Variants in CALHM1 observed in about 807,000 individuals in gnomAD.
CALHM1 encodes calcium homeostasis modulator 1, also known as calcium homeostasis modulator protein 1.
Under a neutral mutation model 14.8 loss-of-function variants are expected in CALHM1, and 11 were observed. The observed-to-expected ratio is 0.74, with a 90% CI of 0.47 to 1.23. CALHM1 has a LOEUF of 1.23. CALHM1 is among the 50% of genes most tolerant of loss of function. The probability of loss-of-function intolerance (pLI) is 0.00; values close to 1 mark genes in which losing one functional copy is unlikely to be tolerated. For synonymous variants in CALHM1, 215 were observed against 218.9 expected (o/e 0.98, Z 0.16); for missense variants, 458 against 496.4 (o/e 0.92, Z 0.74).
In CALHM1 at chr10:103,458,566, C is replaced by G. The variant is rs1011235938; in HGVS notation, c.186G>C (p.Leu62=). Residue 62 remains leucine, a synonymous_variant, in exon 1 of 2, where the codon CTG becomes CTC. Transcript: ENST00000329905. The surrounding 1 kb of genome is among the most constrained non-coding windows in gnomAD (Gnocchi z 4.9). ...YSAGILLAPP[L]VLFLLGLVMN... ...TGACCAGGCCAAGCAGAAAGAGCACCAGGGGTGGCGCCAGCAGGATGCCCG... is the reference window on the plus strand; with the variant it reads ...TGACCAGGCCAAGCAGAAAGAGCACGAGGGGTGGCGCCAGCAGGATGCCCG... 6.2e-7 allele frequency: 1 copy of G among 1,613,784 alleles called. No homozygotes were observed. Among genetic ancestry groups the G allele is most frequent in the African/African-American group, 1.3e-5 (1 of 74,952 alleles).
At position 103,455,759 on chromosome 10, in the gene CALHM1, TGA is replaced by T. The variant is rs1189840846; in HGVS notation, c.556-14_556-13del. 1.2e-6 allele frequency: 2 copies of T among 1,606,860 alleles called. No homozygotes were observed. The highest frequency in any genetic ancestry group is 1.7e-6 in the Non-Finnish European group (2 of 1,175,950). ...GACCAGCCCAGCGCCTGTGGGAAGA[TGA>T]GAGAGAGTCACGGGGCACTGTCCTT... On this transcript the variant is annotated splice_polypyrimidine_tract_variant and intron_variant, in intron 1 of 1. Coordinates refer to ENST00000329905, the MANE Select transcript of CALHM1 (RefSeq NM_001001412.4).
chr10:103,458,732 A>T lies in CALHM1; in HGVS notation c.20T>A (p.Met7Lys), dbSNP rs1414757302. 9 of 1,611,638 alleles carry T rather than the reference A, an allele frequency of 5.6e-6. No homozygotes were observed. The highest frequency in any genetic ancestry group is 1.7e-5 in the Admixed American group (1 of 59,958). The change falls in exon 1 of 2, where the codon ATG (methionine) becomes AAG (lysine). Residue 7 changes from methionine to lysine, a missense_variant. Physicochemically the swap from Met to Lys is moderately conservative, Grantham distance 95. Coordinates refer to ENST00000329905, the MANE Select transcript of CALHM1 (RefSeq NM_001001412.4). The surrounding 1 kb of genome is among the most constrained non-coding windows in gnomAD (Gnocchi z 4.9). MMDKFR[M>K]IFQFLQSNQE... ...GTTGGACTGCAGGAACTGGAAGATC[A>T]TCCGGAACTTGTCCATCATGCCCGC...
chr10:103,457,676 G>A lies in CALHM1; in HGVS notation c.555+521C>T, dbSNP rs535471741. Among the ~76,000 whole-genome samples the A allele has an allele frequency of 7.2e-5, 11 of 152,306 alleles. No individual in the cohort carries two copies. The South Asian group carries it at 1.9e-3, about 26-fold the overall frequency. On this transcript the variant is annotated intron_variant, in intron 1 of 1. Transcript: ENST00000329905. ...GGAGGACCCTCACTCTGGCTGACCCGTCAGTGGTCTCTCCAAACTGCCTTT... is the reference window on the plus strand; with the variant it reads ...GGAGGACCCTCACTCTGGCTGACCCATCAGTGGTCTCTCCAAACTGCCTTT...
In CALHM1 at chr10:103,458,541, T is replaced by A. The variant is rs1315312466; in HGVS notation, c.211A>T (p.Met71Leu). 1.2e-6 allele frequency: 2 copies of A among 1,613,732 alleles called. No individual in the cohort carries two copies. Among genetic ancestry groups the A allele is most frequent in the Admixed American group, 1.7e-5 (1 of 60,026 alleles). Residue 71 changes from methionine to leucine, a missense_variant, in exon 1 of 2, where the codon ATG (methionine) becomes TTG (leucine). Physicochemically the swap from Met to Leu is conservative, Grantham distance 15. Transcript: ENST00000329905. This position sits in a 1 kb window ranked among gnomAD's most constrained non-coding sequence, Gnocchi z 4.9. ...PLVLFLLGLV[M>L]NNNVSMLAEE... is the part of the protein sequence containing the mutation. ...GCCAGCATGGACACGTTGTTGTTCA[T>A]GACCAGGCCAAGCAGAAAGAGCACC...
rs2033103734 is a variant in CALHM1 at position 103,453,897 on chromosome 10, CTG to C, written c.*1363_*1364del. On this transcript the variant is annotated 3_prime_UTR_variant, in exon 2 of 2. Transcript: ENST00000329905. ...TCCCAAATAATTAAGAGGAGGGAAA[CTG>C]GACCCCAGAAGTGGGAATAGAGGGA... 1 of 152,204 alleles carries C rather than the reference CTG, an allele frequency of 6.6e-6. No individual in the cohort carries two copies. The highest frequency in any genetic ancestry group is 1.9e-4 in the East Asian group (1 of 5,192). The allele number at this position is 152,204 out of a possible 1,614,324, so 9.4% of individuals were successfully genotyped here.
In CALHM1 at chr10:103,458,236, G is replaced by C. The variant is rs1005044105; in HGVS notation, c.516C>G (p.Ala172=). ...PEIYDGDWLL[A]REVAVRYLRC... ...GGAGGTAACGCACGGCCACCTCTCG[G>C]GCCAACAGCCAGTCGCCATCGTAGA... Residue 172 remains alanine (A), a synonymous_variant, in exon 1 of 2, where the codon GCC becomes GCG. Coordinates refer to ENST00000329905, the MANE Select transcript of CALHM1 (RefSeq NM_001001412.4). This position sits in a 1 kb window ranked among gnomAD's most constrained non-coding sequence, Gnocchi z 4.9. The C allele has an allele frequency of 6.2e-7, 1 of 1,613,042 alleles. No individual in the cohort carries two copies. Among genetic ancestry groups the C allele is most frequent in the Non-Finnish European group, 8.5e-7 (1 of 1,179,838 alleles).
At position 103,458,752 on chromosome 10, in the gene CALHM1, G is replaced by A; in HGVS notation, c.-1C>T. 1 of 1,601,768 alleles carries A rather than the reference G, an allele frequency of 6.2e-7. No individual in the cohort carries two copies. ...AGATCATCCGGAACTTGTCCATCATGCCCGCTGTGGGGCCCGGCCTCCTCT... is the reference window on the plus strand; with the variant it reads ...AGATCATCCGGAACTTGTCCATCATACCCGCTGTGGGGCCCGGCCTCCTCT... On this transcript the variant is annotated 5_prime_UTR_variant, in exon 1 of 2. Transcript: ENST00000329905. This position sits in a 1 kb window ranked among gnomAD's most constrained non-coding sequence, Gnocchi z 4.9.
Position 103,456,704 on chromosome 10 carries a change from C to T in CALHM1, c.556-957G>A, listed in dbSNP as rs567107075. ...CACCCCAGCCTGTTCCAGGAGTACA[C>T]GCGGGCCTGGTGGGGCTGGATTTTC... On this transcript the variant is annotated intron_variant, in intron 1 of 1. Transcript: ENST00000329905. 6.1e-4 allele frequency among the ~76,000 whole-genome samples: 93 copies of T among 152,340 alleles called. 2 individuals carry two copies. The highest frequency in any genetic ancestry group is 3.9e-3 in the Admixed American group (59 of 15,306).
In CALHM1 at chr10:103,453,632, A is replaced by C. The variant is rs1285346187; in HGVS notation, c.*1630T>G. ...TAGAGTGGCTGGGTGACTGGCCACAAGTCCTGCAGTGCTGGTATTTGAACT... is the reference window on the plus strand; with the variant it reads ...TAGAGTGGCTGGGTGACTGGCCACACGTCCTGCAGTGCTGGTATTTGAACT... On this transcript the variant is annotated 3_prime_UTR_variant, in exon 2 of 2. Transcript: ENST00000329905. The C allele has an allele frequency of 1.3e-5, 2 of 152,200 alleles. No homozygotes were observed. Among genetic ancestry groups the C allele is most frequent in the Non-Finnish European group, 2.9e-5 (2 of 68,040 alleles). The allele number at this position is 152,200 out of a possible 1,614,324, so 9.4% of individuals were successfully genotyped here.
intron 1 of CALHM1, among the ~76,000 whole-genome samples, chr10:103,457,253 A>G (rs2033161103): frequency 6.6e-6 from 1 of 152,224 alleles, no homozygotes; most frequent in African/African-American, 2.4e-5. Context: ...GTGGAATGAC[A>G]GCTGCCAAGG....
rs751527831 is a variant in CALHM1 at position 103,458,644 on chromosome 10, C to T, written c.108G>A (p.Ser36=). 268 of 1,613,990 alleles carry T rather than the reference C, an allele frequency of 1.7e-4. No homozygotes were observed. Among genetic ancestry groups the T allele is most frequent in the Middle Eastern group, 1.6e-3 (10 of 6,062 alleles). ...GGCAGGGGCAGTTGAAGTCGAAGGC[C>T]GAGTACATCTGGGCACTGGCCAGGG... The part of the protein sequence containing the change: ...IMALASAQMY[S]AFDFNCPCLP... The change falls in exon 1 of 2, where the codon TCG becomes TCA. Residue 36 remains serine (S), a synonymous_variant. Transcript: ENST00000329905. This position sits in a 1 kb window ranked among gnomAD's most constrained non-coding sequence, Gnocchi z 4.9.
rs1481173443 is a variant in CALHM1, at chr10:103,458,305, G to T, written c.447C>A (p.Ala149=). 1 of 1,611,594 alleles carries T rather than the reference G, an allele frequency of 6.2e-7. No homozygotes were observed. The highest frequency in any genetic ancestry group is 1.1e-5 in the South Asian group (1 of 91,010). Residue 149 remains alanine (A), a synonymous_variant, in exon 1 of 2, where the codon GCC becomes GCA. Transcript: ENST00000329905. This position sits in a 1 kb window ranked among gnomAD's most constrained non-coding sequence, Gnocchi z 4.9. ...GNGSLAPGLP[A]PELARLLARV... is the part of the protein sequence containing the mutation. ...GGGCCAGCAGGCGGGCGAGCTCGGGGGCAGGAAGGCCGGGTGCCAGGCTGC... is the reference window on the plus strand; with the variant it reads ...GGGCCAGCAGGCGGGCGAGCTCGGGTGCAGGAAGGCCGGGTGCCAGGCTGC...
In CALHM1 at chr10:103,455,306, G is replaced by A. The variant is rs746362157; in HGVS notation, c.997C>T (p.Arg333Trp). Residue 333 changes from arginine to tryptophan, a missense_variant, in exon 2 of 2, where the codon CGG becomes TGG. By Grantham distance (101) the Arg-to-Trp change is moderately radical. Transcript: ENST00000329905. ...GTGGCCACCTCCTTACGCGGAGGCC[G>A]GGGCCCACCCCCAGCCCAGCCGTTG... ...MGNGWAGGGPRPPRKEVATYF... is the reference protein window; with the variant it reads ...MGNGWAGGGPWPPRKEVATYF... The A allele has an allele frequency of 8.7e-6, 14 of 1,612,636 alleles. No homozygotes were observed. The highest frequency in any genetic ancestry group is 6.7e-5 in the Admixed American group (4 of 59,914).
Position 103,458,886 on chromosome 10 carries a change from G to A in CALHM1, c.-135C>T. ...GCTGGGACCAACAGAGCTCAGAGCA[G>A]AGGCTGAGGTCACTGTCGCTTTGAG... On this transcript the variant is annotated 5_prime_UTR_variant, in exon 1 of 2. Transcript: ENST00000329905. The surrounding 1 kb of genome is among the most constrained non-coding windows in gnomAD (Gnocchi z 4.9). 1.2e-6 allele frequency: 1 copy of A among 827,864 alleles called. No individual in the cohort carries two copies. The highest frequency in any genetic ancestry group is 1.8e-5 in the South Asian group (1 of 55,342). 51.3% of individuals were successfully genotyped at this position (827,864 alleles called of 1,614,324 possible). A position where few individuals can be genotyped will look rare whatever the true frequency, so the allele number is the denominator to read the frequency against.
Position 103,454,117 on chromosome 10 carries a change from G to T in CALHM1, c.*1145C>A. 6.6e-6 allele frequency: 1 copy of T among 152,354 alleles called. No homozygotes were observed. The allele number at this position is 152,354 out of a possible 1,614,324, so 9.4% of individuals were successfully genotyped here. A position where few individuals can be genotyped will look rare whatever the true frequency, so the allele number is the denominator to read the frequency against. On this transcript the variant is annotated 3_prime_UTR_variant, in exon 2 of 2. Coordinates refer to ENST00000329905, the MANE Select transcript of CALHM1 (RefSeq NM_001001412.4). The stretch of plus-strand genomic sequence containing the variant: ...CAGGGGAGGAGGAAGGAAGTCCTTA[G>T]GTTCAGAAATCAACAAATACATTAG...
Position 103,458,125 on chromosome 10 carries a change from G to C in CALHM1, c.555+72C>G. On this transcript the variant is annotated intron_variant, in intron 1 of 1. Coordinates refer to ENST00000329905, the MANE Select transcript of CALHM1 (RefSeq NM_001001412.4). This position sits in a 1 kb window ranked among gnomAD's most constrained non-coding sequence, Gnocchi z 4.9. ...AGCAGAGGCCCCATTTTGAGAGGTA[G>C]GGGGATAGGGCCCTCCCAGAGGGAC... is the stretch of plus-strand genomic sequence containing the variant. The C allele has an allele frequency of 6.5e-7, 1 of 1,544,296 alleles. No individual in the cohort carries two copies. Among genetic ancestry groups the C allele is most frequent in the Non-Finnish European group, 8.8e-7 (1 of 1,133,202 alleles).
chr10:103,455,582 C>G lies in CALHM1; in HGVS notation c.721G>C (p.Ala241Pro). Residue 241 changes from alanine to proline, a missense_variant, in exon 2 of 2, where the codon GCC becomes CCC. Ala to Pro is a conservative substitution (Grantham distance 27). Coordinates refer to ENST00000329905, the MANE Select transcript of CALHM1 (RefSeq NM_001001412.4). Reference sequence around the variant, plus strand: ...TGCTGGATGCAGACCTTGGCAAAGGCTTTGGCGTGCTCCGTGCACGTCTCG... The same window carrying G: ...TGCTGGATGCAGACCTTGGCAAAGGGTTTGGCGTGCTCCGTGCACGTCTCG... Reference protein sequence around the residue: ...FDETCTEHAKAFAKVCIQQFF... With the variant: ...FDETCTEHAKPFAKVCIQQFF... 1.2e-6 allele frequency: 2 copies of G among 1,614,062 alleles called. No individual in the cohort carries two copies.
intron 1 of CALHM1, among the ~76,000 whole-genome samples, chr10:103,457,098 C>G (rs1343120827): frequency 6.6e-6 from 1 of 152,186 alleles, no homozygotes; most frequent in East Asian, 1.9e-4. Flanking sequence ...CGTACCCGGC[C>G]CATTCTGGTT....
At chr10:103,455,977 G>C (rs1003865177) in intron 1 of CALHM1, among the ~76,000 whole-genome samples, 2 of 152,260 alleles carry the variant, frequency 1.3e-5, no homozygotes, top group African/African-American at 4.8e-5. Context: ...AGCACCCACC[G>C]TGCTGGCGGG....
Sources: allele counts gnomAD v4.1 joint callset (sites outside exome capture counted in the v4.1 genomes callset), GRCh38; gene constraint gnomAD v4.1.1; non-coding constraint Gnocchi (gnomAD v3.1); transcripts MANE v1.5; gene names NCBI Gene and HGNC (gene_info 2026-07-23, HGNC 2026-07-21).